The following PPP2R5C variants were observed in gnomAD, a reference collection of about 807,000 sequenced individuals.
PPP2R5C encodes the protein serine/threonine-protein phosphatase 2A 56 kDa regulatory subunit gamma isoform.
In PPP2R5C, 7 loss-of-function variants were observed where a neutral mutation model predicts 68.9. That is an observed-to-expected ratio of 0.10 (90% CI 0.06 to 0.19). The LOEUF (loss-of-function observed/expected upper bound fraction) is 0.19, where lower values mean the gene tolerates loss of function less well. PPP2R5C is among the 10% of genes least tolerant of loss of function. PPP2R5C has a pLI of 1.00. For missense variants in PPP2R5C, 348 were observed against 641.3 expected (o/e 0.54, Z 4.94); for synonymous variants, 210 against 222.2 (o/e 0.95, Z 0.49).
chr14:101,917,302 C>T lies in PPP2R5C; in HGVS notation c.1327-529C>T, dbSNP rs574077667. Among the ~76,000 whole-genome samples, 1 of 152,096 alleles carries T rather than the reference C, an allele frequency of 6.6e-6. No individual in the cohort carries two copies. Among genetic ancestry groups the T allele is most frequent in the Non-Finnish European group, 1.5e-5 (1 of 68,014 alleles). ...GTTTGTTTTGGTGGAGAGCAAGTCA[C>T]CCGGGATGTGATGAGAGGGTTTCAT... On this transcript the variant is annotated intron_variant, in intron 12 of 13. Transcript: ENST00000334743. This position sits in a 1 kb window ranked among gnomAD's most constrained non-coding sequence, Gnocchi z 4.4.
intron 1 of PPP2R5C, among the ~76,000 whole-genome samples, chr14:101,848,106 G>T (rs2041948821): frequency 6.6e-6 from 1 of 152,188 alleles, no homozygotes; most frequent in Non-Finnish European, 1.5e-5. Flanking sequence ...TTTCTTTTAA[G>T]AGAGAATCTT....
In PPP2R5C at chr14:101,797,011, C is replaced by T. The variant is rs944102020; in HGVS notation, c.259+10828C>T. ...GGTGGTATTAGATACATTCAAAATG[C>T]TGTACACCCATCACTACTATCTCTA... is the stretch of plus-strand genomic sequence containing the variant. On this transcript the variant is annotated intron_variant, in intron 3 of 14. Transcript: ENST00000328724. The surrounding 1 kb of genome is among the most constrained non-coding windows in gnomAD (Gnocchi z 4.2). 6 of 388,692 alleles carry T rather than the reference C, an allele frequency of 1.5e-5. No individual in the cohort carries two copies. The highest frequency in any genetic ancestry group is 6.2e-5 in the African/African-American group (3 of 48,114). The allele number at this position is 388,692 out of a possible 1,614,324, so 24.1% of individuals were successfully genotyped here.
intron 8 of PPP2R5C, among the ~76,000 whole-genome samples, chr14:101,901,070 A>G (rs770180386): frequency 2.0e-5 from 3 of 152,258 alleles, no homozygotes; most frequent in Admixed American, 6.5e-5. Context: ...AACACTGTCT[A>G]TGCATACAGA....
intron 8 of PPP2R5C, among the ~76,000 whole-genome samples, chr14:101,894,950 TTG>T (rs1176650534): frequency 1.3e-5 from 2 of 152,210 alleles, no homozygotes; most frequent in Non-Finnish European, 2.9e-5. Flanking sequence ...GAAATTATTG[TTG>T]TACTAAAGAG....
rs1365725053 is a variant in PPP2R5C at position 101,919,990 on chromosome 14, AAAC to A, written c.1443+2044_1443+2046del. Among the ~76,000 whole-genome samples the A allele has an allele frequency of 8.4e-4, 126 of 150,502 alleles. 2 individuals are homozygous for A. Among genetic ancestry groups the A allele is most frequent in the Non-Finnish European group, 1.5e-3 (100 of 67,902 alleles). On this transcript the variant is annotated intron_variant, in intron 13 of 13. Transcript: ENST00000334743. ...GTCTCAAAAAAAAAAAAAAAAAAAAAAACCAATTCTTACACATTAAATAGCTTA... is the reference window on the plus strand; with the variant it reads ...GTCTCAAAAAAAAAAAAAAAAAAAAACAATTCTTACACATTAAATAGCTTA...
chr14:101,809,261 G>T (rs1376838317), upstream of PPP2R5C, among the ~76,000 whole-genome samples: 1 of 151,694 alleles, frequency 6.6e-6, no homozygotes, highest in African/African-American at 2.4e-5. Flanking sequence ...AATTTTTTCA[G>T]GGAAAAAATA....
At chr14:101,924,457 T>TTTTTTTTTTTG (rs2047185866) in intron 13 of PPP2R5C, among the ~76,000 whole-genome samples, 1 of 142,330 alleles carries the variant, frequency 7.0e-6, no homozygotes, top group Non-Finnish European at 1.5e-5. Context: ...TTTTTTTTTT[T>TTTTTTTTTTTG]GAGATGGAGT....
intron 9 of PPP2R5C, among the ~76,000 whole-genome samples, chr14:101,903,756 A>G (rs576930567): frequency 1.6e-3 from 247 of 151,684 alleles, no homozygotes; most frequent in Non-Finnish European, 2.9e-3. Flanking sequence ...GCTCATTGCA[A>G]CCTCTGCCTT....
At chr14:101,836,236 G>T (rs2041089081) in intron 1 of PPP2R5C, 1 of 702,726 alleles carries the variant, frequency 1.4e-6, no homozygotes, top group South Asian at 1.5e-5. Flanking sequence ...TTCAGCTGTG[G>T]CCGCCTACGG....
chr14:101,785,843 T>C (rs2038066200), intron 2 of PPP2R5C, among the ~76,000 whole-genome samples, 175 bp from the exon 3 acceptor site: 1 of 152,232 alleles, frequency 6.6e-6, no homozygotes, highest in South Asian at 2.1e-4. Flanking sequence ...AGTCTAATAT[T>C]GCTGAAGGTG....
chr14:101,774,597 G>A (rs939289684), intron 2 of PPP2R5C, among the ~76,000 whole-genome samples: 1 of 152,222 alleles, frequency 6.6e-6, no homozygotes, highest in Non-Finnish European at 1.5e-5. Flanking sequence ...GTTGCCAGAT[G>A]GAAGTTGCAT....
chr14:101,804,774 A>C (rs1201857288), intron 3 of PPP2R5C, among the ~76,000 whole-genome samples: 1 of 152,220 alleles, frequency 6.6e-6, no homozygotes, highest in Non-Finnish European at 1.5e-5. Context: ...AAAAAAAGTT[A>C]GAATAAATAA....
chr14:101,784,064 G>A (rs2037970544), intron 2 of PPP2R5C, among the ~76,000 whole-genome samples: 1 of 152,118 alleles, frequency 6.6e-6, no homozygotes, highest in Admixed American at 6.5e-5. Flanking sequence ...ACCTTTTGAG[G>A]AAAAAGCCAC....
At chr14:101,831,476 TG>T (rs1417695257) in intron 1 of PPP2R5C, among the ~76,000 whole-genome samples, 2 of 152,346 alleles carry the variant, frequency 1.3e-5, no homozygotes, top group East Asian at 3.9e-4. Context: ...AATGGGCCAG[TG>T]GGCATAGCAT....
intron 13 of PPP2R5C, among the ~76,000 whole-genome samples, chr14:101,919,131 C>G (rs746191456): frequency 6.6e-6 from 1 of 152,378 alleles, no homozygotes; most frequent in Admixed American, 6.5e-5. Context: ...GCCATATCCC[C>G]GGCTCCTTTC....
rs2041065377 is a variant in PPP2R5C, at chr14:101,835,949, T to C, written c.95-20737T>C. On this transcript the variant is annotated intron_variant, in intron 1 of 13. Coordinates refer to ENST00000334743, the Ensembl canonical transcript of PPP2R5C. This position sits in a 1 kb window ranked among gnomAD's most constrained non-coding sequence, Gnocchi z 5.0. The stretch of plus-strand genomic sequence containing the variant: ...CTAGGATTAGTGGGCTGGGAAAAGT[T>C]ACAGTAATATATTACCAGCATGTAG... Among the ~76,000 whole-genome samples the C allele has an allele frequency of 6.6e-6, 1 of 152,204 alleles. No individual in the cohort carries two copies. Among genetic ancestry groups the C allele is most frequent in the Admixed American group, 6.5e-5 (1 of 15,282 alleles).
chr14:101,790,402 G>A (rs1465477458), intron 3 of PPP2R5C, among the ~76,000 whole-genome samples: 1 of 152,196 alleles, frequency 6.6e-6, no homozygotes, highest in African/African-American at 2.4e-5. Context: ...GTTACCTCGT[G>A]CCATTCACCA....
rs547856951 is a variant in PPP2R5C at position 101,925,071 on chromosome 14, C to T, written c.1444-70C>T. The T allele has an allele frequency of 4.5e-6, 7 of 1,560,334 alleles. No individual in the cohort carries two copies. In the African/African-American group the frequency reaches 5.4e-5, roughly 12 times the overall value. Reference sequence around the variant, plus strand: ...TGCCTCGCGGTTATCCTTTGACTTCCACCTCAGAAGTAAGCTTGCTTTTCA... The same window carrying T: ...TGCCTCGCGGTTATCCTTTGACTTCTACCTCAGAAGTAAGCTTGCTTTTCA... On this transcript the variant is annotated intron_variant, in intron 13 of 13. Transcript: ENST00000334743.
chr14:101,847,869 G>T (rs2041933606), intron 1 of PPP2R5C, among the ~76,000 whole-genome samples: 1 of 152,006 alleles, frequency 6.6e-6, no homozygotes, highest in Non-Finnish European at 1.5e-5. Flanking sequence ...CACCATGTTG[G>T]CCAGGATGGT....
Sources: gnomAD v4.1 joint callset for allele counts (sites outside exome capture counted in the v4.1 genomes callset) on GRCh38, gnomAD v4.1.1 for gene constraint, Gnocchi (gnomAD v3.1) non-coding constraint, MANE v1.5 for transcripts, NCBI Gene and HGNC (gene_info 2026-07-23, HGNC 2026-07-21) for gene names.